HMGCLL1: variants seen among roughly 807,000 people sequenced by gnomAD.
The protein encoded by HMGCLL1 is 3-hydroxymethyl-3-methylglutaryl-CoA lyase, cytoplasmic.
Under a neutral mutation model 39.1 loss-of-function variants are expected in HMGCLL1, and 36 were observed. That is an observed-to-expected ratio of 0.92 (90% confidence interval 0.71 to 1.22). The LOEUF is 1.22. HMGCLL1 is among the 50% of genes most tolerant of loss of function. HMGCLL1 has a pLI of 0.00. For missense variants in HMGCLL1, 451 were observed against 416.5 expected (o/e 1.08, Z -0.72); for synonymous variants, 149 against 144.0 (o/e 1.03, Z -0.25).
chr6:55,673,135 TA>T, the HMGCLL1 span, among the ~76,000 whole-genome samples: 1 of 152,014 alleles, frequency 6.6e-6, no homozygotes, highest in Non-Finnish European at 1.5e-5. Context: ...AGCAAGATTT[TA>T]AACCTAATTT....
At chr6:55,602,434 T>C in the HMGCLL1 span, among the ~76,000 whole-genome samples, 1 of 152,074 alleles carries the variant, frequency 6.6e-6, no homozygotes, top group Non-Finnish European at 1.5e-5. Context: ...TCTCTTGACT[T>C]GTTTGTATTT....
chr6:55,654,364 A>C, the HMGCLL1 span, among the ~76,000 whole-genome samples: 1 of 151,256 alleles, frequency 6.6e-6, no homozygotes, highest in African/African-American at 2.4e-5. Context: ...ATTAGATTAA[A>C]CTTTCTGTTA....
At chr6:55,653,313 C>G in the HMGCLL1 span, among the ~76,000 whole-genome samples, 8 of 151,902 alleles carry the variant, frequency 5.3e-5, no homozygotes, top group Admixed American at 3.9e-4. Context: ...CACTCCAGGA[C>G]AAGAGCAAAC....
At chr6:55,612,210 G>T in the HMGCLL1 span, among the ~76,000 whole-genome samples, 1 of 152,008 alleles carries the variant, frequency 6.6e-6, no homozygotes, top group Non-Finnish European at 1.5e-5. Flanking sequence ...TTGTTACAAA[G>T]ATAATAAAAT....
At chr6:55,660,334 C>T in the HMGCLL1 span, among the ~76,000 whole-genome samples, 1 of 151,536 alleles carries the variant, frequency 6.6e-6, no homozygotes. Flanking sequence ...AGCCTAGTAC[C>T]CAATAATTGT....
At chr6:55,440,267 T>C (rs1472247322) in intron 7 of HMGCLL1, among the ~76,000 whole-genome samples, 1 of 152,150 alleles carries the variant, frequency 6.6e-6, no homozygotes, top group East Asian at 1.9e-4. Context: ...AAGTAGATAC[T>C]CTTGTATCAT....
intron 7 of HMGCLL1, among the ~76,000 whole-genome samples, chr6:55,462,530 T>C (rs896225127): frequency 1.3e-5 from 2 of 152,216 alleles, no homozygotes; most frequent in Non-Finnish European, 1.5e-5. Flanking sequence ...GAGACTTTAA[T>C]TTTTCTAGAG....
intron 1 of HMGCLL1, among the ~76,000 whole-genome samples, chr6:55,566,342 C>T (rs1771210112): frequency 6.6e-6 from 1 of 152,056 alleles, no homozygotes; most frequent in South Asian, 2.1e-4. Context: ...ATAAAGTTCA[C>T]CAAAAAGACT....
intron 3 of HMGCLL1, among the ~76,000 whole-genome samples, chr6:55,528,184 C>T (rs1768424067): frequency 1.3e-5 from 2 of 152,060 alleles, no homozygotes. Flanking sequence ...TATCTGTCTA[C>T]AATCTCCAGT....
chr6:55,674,759 G>C, the HMGCLL1 span, among the ~76,000 whole-genome samples: 1 of 151,996 alleles, frequency 6.6e-6, no homozygotes, highest in East Asian at 1.9e-4. Flanking sequence ...GGCTTTTAGA[G>C]GAACTGAAAA....
chr6:55,602,791 C>G, the HMGCLL1 span, among the ~76,000 whole-genome samples: 4 of 152,024 alleles, frequency 2.6e-5, no homozygotes, highest in East Asian at 7.7e-4. Flanking sequence ...CAGCTAATGT[C>G]TAAACTGCAT....
chr6:55,611,794 T>A, the HMGCLL1 span, among the ~76,000 whole-genome samples: 1 of 152,108 alleles, frequency 6.6e-6, no homozygotes, highest in African/African-American at 2.4e-5. Context: ...TAGGTATGAT[T>A]GAACATATCT....
At chr6:55,560,971 C>T (rs900487274) in intron 1 of HMGCLL1, among the ~76,000 whole-genome samples, 2 of 151,968 alleles carry the variant, frequency 1.3e-5, no homozygotes, top group Admixed American at 6.6e-5. Flanking sequence ...TTTCAATTTC[C>T]CCTCAAAGGA....
At chr6:55,493,930 G>A (rs546280090) in intron 7 of HMGCLL1, among the ~76,000 whole-genome samples, 6 of 151,608 alleles carry the variant, frequency 4.0e-5, no homozygotes, top group African/African-American at 1.2e-4. Context: ...AGAGACGGGG[G>A]TTCTCCGTGT....
At chr6:55,559,246 C>T (rs1488430939) in intron 1 of HMGCLL1, among the ~76,000 whole-genome samples, 3 of 152,038 alleles carry the variant, frequency 2.0e-5, no homozygotes, top group Non-Finnish European at 4.4e-5. Context: ...CAAATATAGT[C>T]CTTTATTTAA....
intron 1 of HMGCLL1, among the ~76,000 whole-genome samples, chr6:55,542,587 G>C (rs1769511450): frequency 1.3e-5 from 2 of 151,542 alleles, no homozygotes; most frequent in African/African-American, 2.4e-5. Context: ...AGATCAGCCT[G>C]GCCAACATAG....
chr6:55,582,391 T>C (rs1339460533), upstream of HMGCLL1, among the ~76,000 whole-genome samples: 3 of 152,194 alleles, frequency 2.0e-5, no homozygotes, highest in Admixed American at 2.0e-4. Flanking sequence ...ATTCATACTG[T>C]ATAGTCTGAG....
chr6:55,439,576 A>G lies in HMGCLL1; in HGVS notation c.796-17T>C, dbSNP rs534342292. On this transcript the variant is annotated splice_polypyrimidine_tract_variant and intron_variant, in intron 7 of 8. Coordinates refer to ENST00000274901, the MANE Select transcript of HMGCLL1 (RefSeq NM_001042406.2). ...AATTCCCATCTGGAAAACAAACCAA[A>G]CCACCTAAAGCTTGTGTGTTTATGG... 4.3e-6 allele frequency: 7 copies of G among 1,609,774 alleles called. No individual in the cohort carries two copies. Among genetic ancestry groups the G allele is most frequent in the Admixed American group, 1.7e-5 (1 of 59,696 alleles).
chr6:55,673,121 T>C, the HMGCLL1 span, among the ~76,000 whole-genome samples: 3 of 151,986 alleles, frequency 2.0e-5, no homozygotes, highest in African/African-American at 2.4e-5. Context: ...CCATTTCTCA[T>C]AACAGCAAGA....
Sources: allele counts gnomAD v4.1 joint callset (sites outside exome capture counted in the v4.1 genomes callset), GRCh38; gene constraint gnomAD v4.1.1; transcripts MANE v1.5; gene names NCBI Gene and HGNC (gene_info 2026-07-23, HGNC 2026-07-21).